NOL10: variants seen among roughly 807,000 people sequenced by gnomAD.
NOL10 encodes the protein H_NH0074G24.1.
A neutral mutation model predicts 103.5 loss-of-function variants in NOL10; 58 were observed. That is an observed-to-expected ratio of 0.56 (90% CI 0.45 to 0.70). NOL10 has a LOEUF of 0.70. Among genes scored for constraint, NOL10 ranks in the 30% least tolerant of loss-of-function variants. The pLI, the probability that NOL10 is intolerant of heterozygous loss-of-function variation, is 0.00. For missense variants in NOL10, 763 were observed against 807.3 expected (o/e 0.95, Z 0.67); for synonymous variants, 287 against 282.5 (o/e 1.02, Z -0.16).
intron 14 of NOL10, among the ~76,000 whole-genome samples, chr2:10,606,683 C>T (rs533247922): frequency 6.6e-6 from 1 of 150,744 alleles, no homozygotes; most frequent in Non-Finnish European, 1.5e-5. Flanking sequence ...TCTTTTAAGA[C>T]ACTTCTTGGC....
intron 13 of NOL10, among the ~76,000 whole-genome samples, chr2:10,643,890 G>C (rs1678880734): frequency 6.6e-6 from 1 of 152,220 alleles, no homozygotes; most frequent in Non-Finnish European, 1.5e-5. Flanking sequence ...CAACCCAAAA[G>C]TGAGTCCACT....
chr2:10,574,201 A>T (rs139464733), intron 20 of NOL10, among the ~76,000 whole-genome samples: 1 of 152,224 alleles, frequency 6.6e-6, no homozygotes, highest in Admixed American at 6.5e-5. Flanking sequence ...GGCAGGCATC[A>T]ATACACATGC....
intron 13 of NOL10, among the ~76,000 whole-genome samples, chr2:10,631,229 T>C (rs945626929): frequency 3.3e-5 from 5 of 152,224 alleles, no homozygotes; most frequent in African/African-American, 1.2e-4. Flanking sequence ...GATCCTACAT[T>C]GTTGGCTTTG....
rs373080048 is a variant in NOL10 at position 10,634,073 on chromosome 2, T to C, written c.1026+10247A>G. On this transcript the variant is annotated intron_variant, in intron 13 of 20. Coordinates refer to ENST00000381685, the MANE Select transcript of NOL10 (RefSeq NM_024894.4). ...AAACTCCTAGGCTCAAGCAATCCTC[T>C]TGCCTCAGCCACCCAAAGCACTGGT... 5.0e-4 allele frequency among the ~76,000 whole-genome samples: 76 copies of C among 152,192 alleles called. No homozygotes were observed. The Middle Eastern group carries it at 0.01, about 20-fold the overall frequency.
At chr2:10,635,280 G>A (rs896883695) in intron 13 of NOL10, among the ~76,000 whole-genome samples, 20 of 152,246 alleles carry the variant, frequency 1.3e-4, no homozygotes, top group Middle Eastern at 3.4e-3. Context: ...ATTTTGGAGC[G>A]TCTGCATTTC....
rs561285641 is a variant in NOL10, at chr2:10,571,843, G to A, written c.*228C>T. ...CGTGGGGAAAGGACAATGTTTCCAG[G>A]GAGCAACGACTCGCAAGCACACCCC... On this transcript the variant is annotated 3_prime_UTR_variant, in exon 21 of 21. Transcript: ENST00000381685. 2.2e-5 allele frequency: 9 copies of A among 408,138 alleles called. No homozygotes were observed. Among genetic ancestry groups the A allele is most frequent in the African/African-American group, 1.8e-4 (9 of 49,334 alleles). The allele number at this position is 408,138 out of a possible 1,614,324, so 25.3% of individuals were successfully genotyped here.
chr2:10,647,737 C>A (rs1296946950), intron 12 of NOL10, among the ~76,000 whole-genome samples: 1 of 152,062 alleles, frequency 6.6e-6, no homozygotes, highest in Non-Finnish European at 1.5e-5. Flanking sequence ...ATACAAGGCA[C>A]CAAAGATATT....
chr2:10,581,827 A>G (rs1045441008), intron 19 of NOL10, among the ~76,000 whole-genome samples: 3 of 152,228 alleles, frequency 2.0e-5, no homozygotes, highest in Non-Finnish European at 2.9e-5. Flanking sequence ...CTCAAAAAAT[A>G]ACATGAGGAG....
At chr2:10,633,328 T>A (rs569271602) in intron 13 of NOL10, among the ~76,000 whole-genome samples, 1 of 152,164 alleles carries the variant, frequency 6.6e-6, no homozygotes, top group Non-Finnish European at 1.5e-5. Context: ...GTAGTTGGGA[T>A]TACAGGTGGG....
At chr2:10,672,026 G>C (rs1438331047) in intron 5 of NOL10, among the ~76,000 whole-genome samples, 2 of 152,052 alleles carry the variant, frequency 1.3e-5, no homozygotes, top group Non-Finnish European at 2.9e-5. Flanking sequence ...TTTCACTTGG[G>C]AACACATTTA....
rs1439349344 is a variant in NOL10 at position 10,657,883 on chromosome 2, T to C, written c.765A>G (p.Leu255=). 7 of 1,518,404 alleles carry C rather than the reference T, an allele frequency of 4.6e-6. No homozygotes were observed. In the Admixed American group the frequency reaches 1.6e-4, roughly 35 times the overall value. The allele number at this position is 1,518,404 out of a possible 1,614,324, so 94.1% of individuals were successfully genotyped here. The part of the protein sequence containing the change: ...AVGTTTGQVL[L]YDLRSDKPLL... Reference sequence around the variant, plus strand: ...ATGGCTTATCAGATCGAAGGTCATATAATAAAACCTGAAAAAAAATTATTT... The same window carrying C: ...ATGGCTTATCAGATCGAAGGTCATACAATAAAACCTGAAAAAAAATTATTT... Residue 255 remains leucine, a synonymous_variant, in exon 11 of 21, where the codon TTA becomes TTG. Transcript: ENST00000381685.
chr2:10,634,031 T>C (rs562615437), intron 13 of NOL10, among the ~76,000 whole-genome samples: 1 of 152,270 alleles, frequency 6.6e-6, no homozygotes, highest in African/African-American at 2.4e-5. Flanking sequence ...TCTCACTATG[T>C]TGCCCAGGCT....
intron 12 of NOL10, among the ~76,000 whole-genome samples, chr2:10,645,934 C>CACACACAT (rs1189434976): frequency 7.8e-6 from 1 of 128,666 alleles, no homozygotes; most frequent in African/African-American, 3.6e-5. Flanking sequence ...ACAAAACACA[C>CACACACAT]ACACACACAT....
chr2:10,663,594 A>G (rs899284660), intron 8 of NOL10, among the ~76,000 whole-genome samples: 1 of 152,150 alleles, frequency 6.6e-6, no homozygotes. Context: ...ATATATCACT[A>G]AACTTTTACA....
At chr2:10,609,942 G>A (rs1282502403) in intron 13 of NOL10, among the ~76,000 whole-genome samples, 3 of 152,126 alleles carry the variant, frequency 2.0e-5, no homozygotes, top group Non-Finnish European at 4.4e-5. Flanking sequence ...ATAACTATGT[G>A]ATAAATAAAT....
At chr2:10,595,086 C>G (rs1675597683) in intron 17 of NOL10, among the ~76,000 whole-genome samples, 1 of 135,056 alleles carries the variant, frequency 7.4e-6, no homozygotes, top group Non-Finnish European at 1.5e-5. Context: ...AAGATAATGC[C>G]TAACACTAAA....
At chr2:10,658,108 T>G (rs1196763970) in intron 10 of NOL10, among the ~76,000 whole-genome samples, 1 of 152,168 alleles carries the variant, frequency 6.6e-6, no homozygotes, top group Non-Finnish European at 1.5e-5. Flanking sequence ...AAGATTAATT[T>G]GTAAGAGCTA....
At chr2:10,661,698 A>T (rs1428927770) in intron 9 of NOL10, among the ~76,000 whole-genome samples, 1 of 151,698 alleles carries the variant, frequency 6.6e-6, no homozygotes, top group Non-Finnish European at 1.5e-5. Context: ...ATTTTCAGTT[A>T]CTCTCCTGAG....
At chr2:10,603,378 T>A (rs953765685) in intron 14 of NOL10, among the ~76,000 whole-genome samples, 4 of 152,208 alleles carry the variant, frequency 2.6e-5, no homozygotes, top group Admixed American at 1.3e-4. Context: ...ACAAAAATGA[T>A]GAGAAAGTCC....
Sources: gnomAD v4.1 joint callset for allele counts (sites outside exome capture counted in the v4.1 genomes callset) on GRCh38, gnomAD v4.1.1 for gene constraint, MANE v1.5 for transcripts, NCBI Gene and HGNC (gene_info 2026-07-23, HGNC 2026-07-21) for gene names.